The following DNMBP variants were observed in gnomAD, a reference collection of about 807,000 sequenced individuals.
DNMBP encodes dynamin binding protein.
DNMBP carries 87 observed loss-of-function variants against 150.0 expected under a neutral mutation model. The ratio of observed to expected loss-of-function variants is 0.58; its 90% CI spans 0.49 to 0.69. The LOEUF is 0.69. DNMBP is among the 30% of genes least tolerant of loss of function. The pLI, the probability that DNMBP is intolerant of heterozygous loss-of-function variation, is 0.00. For synonymous variants in DNMBP, 711 were observed against 750.4 expected, an observed-to-expected ratio of 0.95 and a Z score of 0.86; for missense variants, 1,774 against 1,949.0, an observed-to-expected ratio of 0.91 and a Z score of 1.69.
intron 4 of DNMBP, among the ~76,000 whole-genome samples, chr10:99,941,131 C>T (rs1046317432): frequency 1.2e-4 from 18 of 152,170 alleles, no homozygotes; most frequent in Admixed American, 2.6e-4. Flanking sequence ...GTGCTCCGCC[C>T]GCCTCGGCTT....
intron 4 of DNMBP, among the ~76,000 whole-genome samples, chr10:99,917,562 G>A (rs565529949): frequency 5.9e-5 from 9 of 151,822 alleles, no homozygotes; most frequent in African/African-American, 1.9e-4. Context: ...GCTGTAAAAC[G>A]AGAATGTTCT....
rs550053935 is a variant in DNMBP, at chr10:99,919,362, T to C, written c.2261-10216A>G. The stretch of plus-strand genomic sequence containing the variant: ...ATTTTTCTCTCCTACTCTATAAAAA[T>C]CACTTTCTTCAGTTTATATTAATTA... On this transcript the variant is annotated intron_variant, in intron 4 of 16. Transcript: ENST00000324109. Among the ~76,000 whole-genome samples the C allele has an allele frequency of 3.8e-3, 579 of 152,372 alleles. 3 individuals carry two copies. Among genetic ancestry groups the C allele is most frequent in the Non-Finnish European group, 5.2e-3 (354 of 68,040 alleles).
chr10:99,880,337 G>A lies in DNMBP; in HGVS notation c.4022C>T (p.Ser1341Phe). Reference protein sequence around the residue: ...NGVTKGFVYSSFLKPYNPRRS... With the variant: ...NGVTKGFVYSFFLKPYNPRRS... Reference sequence around the variant, plus strand: ...GCGAGGATTGTAGGGCTTTAGGAAAGAGCTGTACACGAAGCCTTTGGTGAC... The same window carrying A: ...GCGAGGATTGTAGGGCTTTAGGAAAAAGCTGTACACGAAGCCTTTGGTGAC... Residue 1341 changes from serine (S) to phenylalanine (F), a missense_variant, in exon 16 of 17, where the codon TCT (serine) becomes TTT (phenylalanine). Transcript: ENST00000324109. The A allele has an allele frequency of 6.2e-7, 1 of 1,602,916 alleles. No homozygotes were observed. Among genetic ancestry groups the A allele is most frequent in the South Asian group, 1.1e-5 (1 of 90,662 alleles).
chr10:99,890,653 G>A (rs888814201), intron 11 of DNMBP, among the ~76,000 whole-genome samples: 1 of 152,132 alleles, frequency 6.6e-6, no homozygotes, highest in African/African-American at 2.4e-5. Context: ...CCAATTGTGT[G>A]TTTTATTTTT....
At chr10:99,880,837 C>T (rs183361018) in intron 15 of DNMBP, among the ~76,000 whole-genome samples, 2 of 152,306 alleles carry the variant, frequency 1.3e-5, no homozygotes, top group Non-Finnish European at 1.5e-5. Context: ...CGGGAGCTCA[C>T]GCCTGTAATC....
intron 2 of DNMBP, among the ~76,000 whole-genome samples, chr10:99,969,710 T>C (rs745314774): frequency 1.1e-4 from 16 of 152,168 alleles, no homozygotes; most frequent in Non-Finnish European, 2.2e-4. Flanking sequence ...AAGGTTTTAA[T>C]AGGTGGTGGG....
chr10:99,950,892 G>GT (rs748592667), intron 4 of DNMBP, among the ~76,000 whole-genome samples: 4 of 152,222 alleles, frequency 2.6e-5, no homozygotes, highest in African/African-American at 7.2e-5. Flanking sequence ...AGAAATTTGC[G>GT]TAAGTAATGA....
At chr10:99,932,349 TC>T (rs1365726427) in intron 4 of DNMBP, among the ~76,000 whole-genome samples, 1 of 152,056 alleles carries the variant, frequency 6.6e-6, no homozygotes, top group Non-Finnish European at 1.5e-5. Flanking sequence ...CTCCTCGGAT[TC>T]CCCCAGCATG....
intron 3 of DNMBP, among the ~76,000 whole-genome samples, chr10:99,967,655 A>C (rs7913969): frequency 0.47 from 70,707 of 151,558 alleles, 17,444 homozygotes; most frequent in African/African-American, 0.63. Flanking sequence ...GAGAAGTTTG[A>C]TAGGTTTTTC....
Position 99,877,104 on chromosome 10 carries a change from C to CATTAAAAA in DNMBP, c.*46_*47insTTTTTAAT. 5 of 1,420,120 alleles carry CATTAAAAA rather than the reference C, an allele frequency of 3.5e-6. No individual in the cohort carries two copies. The highest frequency in any genetic ancestry group is 1.6e-5 in the South Asian group (1 of 62,142). The allele number at this position is 1,420,120 out of a possible 1,614,324, so 88.0% of individuals were successfully genotyped here. On this transcript the variant is annotated 3_prime_UTR_variant, in exon 17 of 17. Coordinates refer to ENST00000324109, the MANE Select transcript of DNMBP (RefSeq NM_015221.4). ...CTCGGTGGGCCGCCAGAACCCTCGG[C>CATTAAAAA]GGACTGAAAGCAAAGGCAGCAAGGC...
intron 6 of DNMBP, among the ~76,000 whole-genome samples, chr10:99,904,463 T>G (rs2039794853): frequency 6.6e-6 from 1 of 152,102 alleles, no homozygotes; most frequent in African/African-American, 2.4e-5. Flanking sequence ...TGCCCGTGGC[T>G]CCATAAGGCT....
intron 4 of DNMBP, among the ~76,000 whole-genome samples, chr10:99,922,721 A>G (rs565329381): frequency 4.6e-5 from 7 of 151,836 alleles, no homozygotes; most frequent in African/African-American, 1.7e-4. Context: ...ACAACTCATG[A>G]TCCCAGGAAG....
chr10:99,930,218 C>T (rs972670812), intron 4 of DNMBP: 1 of 702,950 alleles, frequency 1.4e-6, no homozygotes, highest in African/African-American at 1.7e-5. Context: ...GGTTAACATT[C>T]TCATGGTCTA....
intron 16 of DNMBP, among the ~76,000 whole-genome samples, 195 bp from the exon 17 acceptor site, chr10:99,877,531 A>C (rs1299192237): frequency 6.6e-6 from 1 of 152,144 alleles, no homozygotes. Flanking sequence ...AAATAGGTAC[A>C]TACGGATGAT....
At chr10:99,880,492 A>C in intron 15 of DNMBP, 131 bp from the exon 16 acceptor site, 1 of 1,264,436 alleles carries the variant, frequency 7.9e-7, no homozygotes, top group Non-Finnish European at 1.1e-6. Context: ...AAAACTCAAA[A>C]GCCAGGCCAA....
chr10:99,892,405 C>A (rs1332205016), intron 11 of DNMBP, among the ~76,000 whole-genome samples: 1 of 140,364 alleles, frequency 7.1e-6, no homozygotes, highest in Non-Finnish European at 1.5e-5. Flanking sequence ...TCATTTTGTT[C>A]TGCACTAAGA....
chr10:99,899,809 G>T, intron 7 of DNMBP, 110 bp downstream of exon 7: 1 of 1,191,910 alleles, frequency 8.4e-7, no homozygotes, highest in Non-Finnish European at 1.2e-6. Flanking sequence ...TATATATCAT[G>T]GATATCTTAT....
At chr10:99,960,338 T>C (rs529919021) in intron 3 of DNMBP, among the ~76,000 whole-genome samples, 21 of 152,288 alleles carry the variant, frequency 1.4e-4, no homozygotes, top group South Asian at 8.3e-4. Context: ...ATAGTTAAAA[T>C]TTCTTTCTCA....
intron 12 of DNMBP, among the ~76,000 whole-genome samples, chr10:99,888,091 G>A (rs2252095): frequency 0.097 from 14,765 of 152,104 alleles, 1,298 homozygotes; most frequent in African/African-American, 0.23. Context: ...CCAAAATGCT[G>A]GGATTAGAGG....
Sources: allele counts gnomAD v4.1 joint callset (sites outside exome capture counted in the v4.1 genomes callset), GRCh38; gene constraint gnomAD v4.1.1; transcripts MANE v1.5; gene names NCBI Gene and HGNC (gene_info 2026-07-23, HGNC 2026-07-21).